The following CD96 variants were observed in gnomAD, a reference collection of about 807,000 sequenced individuals.
CD96 encodes the protein CD96 molecule.
In CD96, 70 loss-of-function variants were observed where a neutral mutation model predicts 71.3. The observed-to-expected ratio is 0.98, with a 90% CI of 0.81 to 1.20. CD96 has a LOEUF of 1.20. Among genes scored for constraint, CD96 ranks in the 50% most tolerant of loss-of-function variants. The pLI is 0.00. For missense variants in CD96, 742 were observed against 677.5 expected (o/e 1.10, Z -1.06); for synonymous variants, 248 against 233.0 (o/e 1.06, Z -0.59).
In CD96 at chr3:111,545,236, C is replaced by T. The variant is rs1371145814; in HGVS notation, c.252C>T (p.Pro84=). The T allele has an allele frequency of 6.2e-7, 1 of 1,614,188 alleles. No homozygotes were observed. The highest frequency in any genetic ancestry group is 1.3e-5 in the African/African-American group (1 of 75,064). Residue 84 remains proline (P), a synonymous_variant, in exon 2 of 14, where the codon CCC becomes CCT. Transcript: ENST00000352690. ...GCTTCTACTGTGCCTATGGGAGACC[C>T]TGTGAGTCACTTGTGACTTTCACAG... The part of the protein sequence containing the change: ...QYGFYCAYGR[P]CESLVTFTET...
intron 5 of CD96, among the ~76,000 whole-genome samples, chr3:111,591,371 TAAAAAAAAAAA>T (rs3082283): frequency 1.1e-5 from 1 of 88,140 alleles, no homozygotes; most frequent in African/African-American, 4.5e-5. Flanking sequence ...GACTCCATCT[TAAAAAAAAAAA>T]AAAAAAAAAA....
intron 8 of CD96, among the ~76,000 whole-genome samples, chr3:111,612,345 G>A (rs1048755893): frequency 6.6e-6 from 1 of 152,056 alleles, no homozygotes; most frequent in African/African-American, 2.4e-5. Flanking sequence ...CTAAATACAG[G>A]GACTAAAAAG....
chr3:111,598,099 C>T (rs1559746815), intron 5 of CD96, 21 bp from the exon 6 acceptor site: 1 of 1,065,654 alleles, frequency 9.4e-7, no homozygotes, highest in East Asian at 2.4e-5. Context: ...GCAAATAATC[C>T]TTTTTCTGTC....
At chr3:111,615,960 A>G (rs1938211874) in intron 8 of CD96, among the ~76,000 whole-genome samples, 1 of 152,076 alleles carries the variant, frequency 6.6e-6, no homozygotes. Flanking sequence ...TTCTTCCCCC[A>G]AATATCTACA....
Position 111,598,027 on chromosome 3 carries a change from CT to C in CD96, c.808-87del, listed in dbSNP as rs897709732. The stretch of plus-strand genomic sequence containing the variant: ...TTATTCAGTTAAAAATGGAGAAACT[CT>C]TTTTTGCCAACTTATATGAATGTTA... On this transcript the variant is annotated intron_variant, in intron 5 of 13. Transcript: ENST00000352690. 10 of 738,540 alleles carry C rather than the reference CT, an allele frequency of 1.4e-5. No individual in the cohort carries two copies. The African/African-American group carries it at 1.6e-4, about 12-fold the overall frequency. 45.7% of individuals were successfully genotyped at this position (738,540 alleles called of 1,614,324 possible).
At chr3:111,572,851 A>G (rs1438600289) in intron 3 of CD96, among the ~76,000 whole-genome samples, 1 of 152,216 alleles carries the variant, frequency 6.6e-6, no homozygotes, top group African/African-American at 2.4e-5. Flanking sequence ...CTTATGCCAC[A>G]TCTGCCTGAT....
intron 2 of CD96, 39 bp from the exon 3 acceptor site, chr3:111,567,484 C>A (rs1360341112): frequency 6.3e-7 from 1 of 1,574,986 alleles, no homozygotes; most frequent in East Asian, 2.2e-5. Context: ...ACAAACCAAT[C>A]AGAGATTCAC....
At chr3:111,592,004 C>G (rs1165745367) in intron 5 of CD96, among the ~76,000 whole-genome samples, 1 of 152,200 alleles carries the variant, frequency 6.6e-6, no homozygotes, top group Non-Finnish European at 1.5e-5. Context: ...TTGGTGCCCA[C>G]AAAGTACTTG....
intron 12 of CD96, among the ~76,000 whole-genome samples, chr3:111,642,155 A>C (rs2107769873): frequency 6.6e-6 from 1 of 152,350 alleles, no homozygotes; most frequent in African/African-American, 2.4e-5. Flanking sequence ...ATCAGAGCAC[A>C]ATACAATTGA....
chr3:111,589,548 A>C (rs865871912), intron 5 of CD96, among the ~76,000 whole-genome samples: 2 of 152,218 alleles, frequency 1.3e-5, no homozygotes, highest in African/African-American at 4.8e-5. Context: ...CTTGCCAAAC[A>C]TTAGTAACTC....
intron 4 of CD96, among the ~76,000 whole-genome samples, chr3:111,581,239 T>C (rs763102959): frequency 9.9e-5 from 15 of 152,204 alleles, no homozygotes; most frequent in Non-Finnish European, 1.9e-4. Context: ...TTCCTGGTTT[T>C]TGCATTTAGT....
At chr3:111,600,661 T>A in intron 6 of CD96, 65 bp from the exon 7 acceptor site, 1 of 1,200,814 alleles carries the variant, frequency 8.3e-7, no homozygotes, top group Non-Finnish European at 1.2e-6. Context: ...TGCCATGCCT[T>A]GGCATTATTG....
rs1249957919 is a variant in CD96 at position 111,545,211 on chromosome 3, G to A, written c.227G>A (p.Gly76Asp). ...ATTGCTGTCTATCATCCCCAATACG[G>A]CTTCTACTGTGCCTATGGGAGACCC... The part of the protein sequence containing the change: ...DLIAVYHPQY[G>D]FYCAYGRPCE... Residue 76 changes from glycine to aspartate, a missense_variant, in exon 2 of 14, where the codon GGC becomes GAC. By Grantham distance (94) the Gly-to-Asp change is moderately conservative (BLOSUM62 -1). Coordinates refer to ENST00000352690, the MANE Select transcript of CD96 (RefSeq NM_005816.5). The A allele has an allele frequency of 1.9e-6, 3 of 1,614,156 alleles. No homozygotes were observed.
chr3:111,591,021 C>T (rs34111129), intron 5 of CD96, among the ~76,000 whole-genome samples: 7,639 of 152,148 alleles, frequency 0.05, 257 homozygotes, highest in South Asian at 0.099. Context: ...GAAACAAAAG[C>T]AGTTTGGGGT....
intron 14 of CD96, among the ~76,000 whole-genome samples, chr3:111,659,966 CA>C (rs1296626516): frequency 6.6e-6 from 1 of 152,166 alleles, no homozygotes; most frequent in Non-Finnish European, 1.5e-5. Context: ...AGAACTGAAA[CA>C]AGACAAGTAT....
chr3:111,582,552 T>G (rs2107594598), intron 4 of CD96, among the ~76,000 whole-genome samples: 1 of 152,286 alleles, frequency 6.6e-6, no homozygotes, highest in African/African-American at 2.4e-5. Context: ...ATAATGAGAC[T>G]TTATTTCTAA....
In CD96 at chr3:111,545,261, GA is replaced by G; in HGVS notation, c.280del (p.Thr94LeufsTer12). The G allele has an allele frequency of 6.2e-7, 1 of 1,614,162 alleles. No individual in the cohort carries two copies. The highest frequency in any genetic ancestry group is 8.5e-7 in the Non-Finnish European group (1 of 1,180,000). On this transcript the variant is annotated frameshift_variant, in exon 2 of 14. Coordinates refer to ENST00000352690, the MANE Select transcript of CD96 (RefSeq NM_005816.5). LOFTEE classifies it high-confidence loss of function. Reference protein sequence around the residue: ...RPCESLVTFTETPENGSKWTL... With the variant: ...RPCESLVTFTXTPENGSKWTL... ...CTGTGAGTCACTTGTGACTTTCACA[GA>G]AACTCCTGAGAATGGGTCAAAATGG...
At chr3:111,604,267 C>T (rs1576377873) in intron 7 of CD96, among the ~76,000 whole-genome samples, 4 of 152,152 alleles carry the variant, frequency 2.6e-5, no homozygotes, top group Admixed American at 2.6e-4. Flanking sequence ...CAAATGGACA[C>T]ACCCAGGAAC....
At chr3:111,612,245 A>T (rs754877340) in intron 8 of CD96, among the ~76,000 whole-genome samples, 1 of 152,246 alleles carries the variant, frequency 6.6e-6, no homozygotes, top group African/African-American at 2.4e-5. Context: ...ATGATCACGA[A>T]GGTGGTTAAA....
Sources: allele counts gnomAD v4.1 joint callset (sites outside exome capture counted in the v4.1 genomes callset), GRCh38; gene constraint gnomAD v4.1.1; transcripts MANE v1.5; gene names NCBI Gene and HGNC (gene_info 2026-07-23, HGNC 2026-07-21).